Variants in RALGPS2 observed in about 807,000 individuals in gnomAD.
RALGPS2 encodes Ral GEF with PH domain and SH3 binding motif 2, also known as ras-specific guanine nucleotide-releasing factor RalGPS2.
RALGPS2 carries 43 observed loss-of-function variants against 86.8 expected under a neutral mutation model. The ratio of observed to expected loss-of-function variants is 0.50; its 90% confidence interval spans 0.39 to 0.64. The LOEUF (loss-of-function observed/expected upper bound fraction) is 0.64, where lower values mean the gene tolerates loss of function less well. Among genes scored for constraint, RALGPS2 ranks in the 30% least tolerant of loss-of-function variants. The pLI is 0.00. For synonymous variants in RALGPS2, 243 were observed against 231.3 expected (o/e 1.05, Z -0.46); for missense variants, 536 against 694.6 (o/e 0.77, Z 2.57).
At chr1:178,784,927 A>G (rs917587648) in intron 3 of RALGPS2, among the ~76,000 whole-genome samples, 1 of 152,044 alleles carries the variant, frequency 6.6e-6, no homozygotes, top group African/African-American at 2.4e-5. Flanking sequence ...CTAGAAAAAC[A>G]TTTATTTCTT....
intron 10 of RALGPS2, chr1:178,879,549 T>C (rs368799862): frequency 6.5e-6 from 1 of 152,764 alleles, no homozygotes; most frequent in East Asian, 1.9e-4. Flanking sequence ...CCCCAGCACT[T>C]TGGGAGGCCG....
At chr1:178,773,931 G>A (rs149338962) in intron 1 of RALGPS2, among the ~76,000 whole-genome samples, 184 of 152,212 alleles carry the variant, frequency 1.2e-3, no homozygotes, top group African/African-American at 4.0e-3. Context: ...GAAATACATG[G>A]GTGACAATTT....
intron 1 of RALGPS2, among the ~76,000 whole-genome samples, chr1:178,754,178 A>G (rs1395267080): frequency 6.6e-6 from 1 of 151,824 alleles, no homozygotes; most frequent in Non-Finnish European, 1.5e-5. Flanking sequence ...GAGAATTTAC[A>G]GTGTATTAGG....
Position 178,919,335 on chromosome 1 carries a change from A to G in RALGPS2, c.*2976A>G, listed in dbSNP as rs544113903. 1 of 152,118 alleles carries G rather than the reference A, an allele frequency of 6.6e-6. No individual in the cohort carries two copies. Among genetic ancestry groups the G allele is most frequent in the South Asian group, 2.1e-4 (1 of 4,820 alleles). 9.4% of individuals were successfully genotyped at this position (152,118 alleles called of 1,614,324 possible). On this transcript the variant is annotated 3_prime_UTR_variant, in exon 20 of 20. Coordinates refer to ENST00000367635, the MANE Select transcript of RALGPS2 (RefSeq NM_152663.5). Reference sequence around the variant, plus strand: ...TTCAAATATTTTTTTCTGTGTGGAAAATGCCATGTAACTATTGCACTACCT... The same window carrying G: ...TTCAAATATTTTTTTCTGTGTGGAAGATGCCATGTAACTATTGCACTACCT...
intron 4 of RALGPS2, among the ~76,000 whole-genome samples, chr1:178,800,065 A>G (rs1295697165): frequency 6.6e-6 from 1 of 152,176 alleles, no homozygotes; most frequent in Non-Finnish European, 1.5e-5. Context: ...TAAACACCAC[A>G]CCAGAGGAAT....
At chr1:178,743,984 G>A (rs1276178557) in intron 1 of RALGPS2, among the ~76,000 whole-genome samples, 2 of 152,162 alleles carry the variant, frequency 1.3e-5, no homozygotes. Flanking sequence ...AATTGTAGAG[G>A]AAGAAGTACT....
intron 7 of RALGPS2, 58 bp downstream of exon 7, chr1:178,821,762 A>G: frequency 1.6e-6 from 2 of 1,256,536 alleles, no homozygotes; most frequent in Non-Finnish European, 2.3e-6. Flanking sequence ...GGAAAGATAT[A>G]TTCATTTCCT....
chr1:178,896,321 G>A (rs1478311558), intron 16 of RALGPS2, among the ~76,000 whole-genome samples: 2 of 152,056 alleles, frequency 1.3e-5, no homozygotes, highest in African/African-American at 2.4e-5. Flanking sequence ...AAATTGGTTG[G>A]TGTCTGGGGA....
chr1:178,770,417 A>G (rs558335364), intron 1 of RALGPS2, among the ~76,000 whole-genome samples: 3 of 152,054 alleles, frequency 2.0e-5, no homozygotes, highest in Admixed American at 1.3e-4. Flanking sequence ...AAAAGATGCC[A>G]CATTATCTTT....
chr1:178,910,925 TGATTCA>T (rs1660599112), intron 19 of RALGPS2, among the ~76,000 whole-genome samples: 1 of 152,240 alleles, frequency 6.6e-6, no homozygotes, highest in South Asian at 2.1e-4. Context: ...TGTTTATTAC[TGATTCA>T]GTTTTGGAAC....
intron 8 of RALGPS2, among the ~76,000 whole-genome samples, chr1:178,856,200 G>GATATATATAT (rs1348083361): frequency 2.7e-4 from 11 of 40,934 alleles, no homozygotes; most frequent in African/African-American, 1.0e-3. Context: ...CAGAGAGAGA[G>GATATATATAT]AGATATATAT....
intron 1 of RALGPS2, among the ~76,000 whole-genome samples, chr1:178,735,798 G>T (rs1650659477): frequency 1.3e-5 from 2 of 151,816 alleles, no homozygotes. Flanking sequence ...TTATTTAAAA[G>T]TATTTGTATA....
intron 1 of RALGPS2, among the ~76,000 whole-genome samples, chr1:178,758,942 G>A (rs919779879): frequency 3.9e-5 from 6 of 151,972 alleles, no homozygotes; most frequent in African/African-American, 1.2e-4. Flanking sequence ...TTCCTGTAGA[G>A]TTGTTTGAGC....
At chr1:178,794,745 T>G (rs1654109659) in intron 4 of RALGPS2, among the ~76,000 whole-genome samples, 1 of 152,224 alleles carries the variant, frequency 6.6e-6, no homozygotes, top group Non-Finnish European at 1.5e-5. Context: ...GTGCTTTTAA[T>G]AAGCCTTAAG....
intron 2 of RALGPS2, among the ~76,000 whole-genome samples, chr1:178,781,574 CTAG>C (rs1205227743): frequency 3.9e-5 from 6 of 152,048 alleles, no homozygotes; most frequent in Non-Finnish European, 7.4e-5. Flanking sequence ...AAAATGCACA[CTAG>C]TAATTTTTAA....
chr1:178,908,045 T>TGAGC (rs1343299944), intron 19 of RALGPS2, among the ~76,000 whole-genome samples: 1 of 152,176 alleles, frequency 6.6e-6, no homozygotes, highest in Non-Finnish European at 1.5e-5. Context: ...ACCCAGTTAG[T>TGAGC]GAGCAGAGTA....
chr1:178,875,979 G>A (rs1188332616), intron 8 of RALGPS2, among the ~76,000 whole-genome samples: 1 of 152,038 alleles, frequency 6.6e-6, no homozygotes, highest in Non-Finnish European at 1.5e-5. Context: ...GGAGTCATAG[G>A]GAAATAAAGT....
chr1:178,823,314 G>A (rs1017728175), intron 7 of RALGPS2, among the ~76,000 whole-genome samples: 1 of 152,088 alleles, frequency 6.6e-6, no homozygotes, highest in African/African-American at 2.4e-5. Context: ...ATTTCATACT[G>A]TGCTATGCAC....
At chr1:178,816,054 T>TG (rs1302007706) in intron 6 of RALGPS2, among the ~76,000 whole-genome samples, 1 of 152,246 alleles carries the variant, frequency 6.6e-6, no homozygotes, top group Non-Finnish European at 1.5e-5. Context: ...TTGTGGAGTA[T>TG]GCATTGAGTT....
Sources: gnomAD v4.1 joint callset for allele counts (sites outside exome capture counted in the v4.1 genomes callset) on GRCh38, gnomAD v4.1.1 for gene constraint, MANE v1.5 for transcripts, NCBI Gene and HGNC (gene_info 2026-07-23, HGNC 2026-07-21) for gene names.